NIBAN1: variants seen among roughly 807,000 people sequenced by gnomAD.
The protein encoded by NIBAN1 is niban apoptosis regulator 1, also known as protein Niban 1.
Under a neutral mutation model 75.1 loss-of-function variants are expected in NIBAN1, and 81 were observed. The observed-to-expected ratio is 1.08, with a 90% CI of 0.90 to 1.30. NIBAN1 has a LOEUF of 1.30. Ranked by LOEUF, NIBAN1 falls within the 50% of genes most tolerant of loss-of-function variation. NIBAN1 has a pLI of 0.00. For synonymous variants in NIBAN1, 436 were observed against 424.8 expected, an observed-to-expected ratio of 1.03 and a Z score of -0.32; for missense variants, 1,133 against 1,128.1, an observed-to-expected ratio of 1.00 and a Z score of -0.06.
intron 1 of NIBAN1, among the ~76,000 whole-genome samples, chr1:184,919,846 A>G (rs1657483591): frequency 6.8e-6 from 1 of 147,182 alleles, no homozygotes; most frequent in Admixed American, 6.7e-5. Context: ...CCAGATAACA[A>G]AAAAAAATTG....
chr1:184,906,402 G>A (rs938968688), intron 1 of NIBAN1, among the ~76,000 whole-genome samples: 2 of 152,168 alleles, frequency 1.3e-5, no homozygotes, highest in East Asian at 1.9e-4. Flanking sequence ...AGGCCGAGGC[G>A]GGTGGATCAC....
intron 1 of NIBAN1, among the ~76,000 whole-genome samples, chr1:184,941,451 A>G (rs985403221): frequency 6.6e-6 from 1 of 152,092 alleles, no homozygotes. Context: ...TGAATTTGAG[A>G]CCAGCCTGAG....
chr1:184,974,210 G>A (rs1258336100), intron 1 of NIBAN1, 92 bp downstream of exon 1: 2 of 1,295,384 alleles, frequency 1.5e-6, no homozygotes, highest in Non-Finnish European at 2.0e-6. Flanking sequence ...CAGGGAGAGG[G>A]CCCGGGGCGC....
chr1:184,853,829 G>C (rs1655606071), intron 5 of NIBAN1, among the ~76,000 whole-genome samples: 1 of 152,008 alleles, frequency 6.6e-6, no homozygotes, highest in Non-Finnish European at 1.5e-5. Flanking sequence ...CCTCTCCCAG[G>C]GTAAGAGAAA....
intron 1 of NIBAN1, among the ~76,000 whole-genome samples, chr1:184,917,309 A>G (rs1279215103): frequency 7.0e-6 from 1 of 143,192 alleles, no homozygotes; most frequent in Non-Finnish European, 1.5e-5. Context: ...GGTTCATGCC[A>G]TTCTGCCTCA....
chr1:184,818,195 T>C (rs1654591600), intron 9 of NIBAN1, among the ~76,000 whole-genome samples: 1 of 152,182 alleles, frequency 6.6e-6, no homozygotes, highest in East Asian at 1.9e-4. Context: ...CCAACAATGT[T>C]CTACAAATGA....
At chr1:184,880,992 G>A (rs771973046) in intron 5 of NIBAN1, among the ~76,000 whole-genome samples, 1 of 152,006 alleles carries the variant, frequency 6.6e-6, no homozygotes, top group Non-Finnish European at 1.5e-5. Context: ...AGGTGGAGTG[G>A]GATGTTTTAC....
chr1:184,882,592 C>T (rs1264930601), intron 5 of NIBAN1, among the ~76,000 whole-genome samples: 1 of 152,160 alleles, frequency 6.6e-6, no homozygotes, highest in African/African-American at 2.4e-5. Context: ...TGATAACATA[C>T]TGGAGAGCAG....
At chr1:184,811,884 C>T (rs1040587902) in intron 9 of NIBAN1, among the ~76,000 whole-genome samples, 2 of 152,174 alleles carry the variant, frequency 1.3e-5, no homozygotes, top group African/African-American at 4.8e-5. Flanking sequence ...CTGCTATTCC[C>T]TTTGGAATAA....
chr1:184,794,836 G>C lies in NIBAN1; in HGVS notation c.*141C>G. On this transcript the variant is annotated 3_prime_UTR_variant, in exon 14 of 14. Coordinates refer to ENST00000367511, the MANE Select transcript of NIBAN1 (RefSeq NM_052966.4). Reference sequence around the variant, plus strand: ...GGTTTGCCTCAGTTGCTCATGCCCTGTATGCATTTCCTCTGGTTTTATTAT... The same window carrying C: ...GGTTTGCCTCAGTTGCTCATGCCCTCTATGCATTTCCTCTGGTTTTATTAT... 1 of 1,082,380 alleles carries C rather than the reference G, an allele frequency of 9.2e-7. No individual in the cohort carries two copies. The highest frequency in any genetic ancestry group is 1.4e-6 in the Non-Finnish European group (1 of 730,040). 67.0% of individuals were successfully genotyped at this position (1,082,380 alleles called of 1,614,324 possible). A position where few individuals can be genotyped will look rare whatever the true frequency, so the allele number is the denominator to read the frequency against.
At chr1:184,809,639 GT>G (rs34668592) in intron 9 of NIBAN1, among the ~76,000 whole-genome samples, 3,090 of 145,860 alleles carry the variant, frequency 0.021, 116 homozygotes, top group African/African-American at 0.073. Context: ...ATATGTGTGT[GT>G]GTATATATAT....
chr1:184,805,983 G>A lies in NIBAN1; in HGVS notation c.1409C>T (p.Ala470Val), dbSNP rs1439771443. 3.1e-6 allele frequency: 5 copies of A among 1,614,044 alleles called. No homozygotes were observed. The highest frequency in any genetic ancestry group is 4.2e-6 in the Non-Finnish European group (5 of 1,180,000). ...GAGTTTAACCTTCTCAATGGCAACTGCAGTTTTGGAGGCCTCTCCTTGGAG... is the reference window on the plus strand; with the variant it reads ...GAGTTTAACCTTCTCAATGGCAACTACAGTTTTGGAGGCCTCTCCTTGGAG... ...PHLQGEASKTAVAIEKVKLRV... is the reference protein window; with the variant it reads ...PHLQGEASKTVVAIEKVKLRV... The change falls in exon 11 of 14, where the codon GCA becomes GTA. Residue 470 changes from alanine to valine, a missense_variant. Transcript: ENST00000367511.
intron 6 of NIBAN1, among the ~76,000 whole-genome samples, chr1:184,825,703 C>T (rs1325860474): frequency 2.0e-5 from 3 of 152,190 alleles, no homozygotes; most frequent in Non-Finnish European, 4.4e-5. Flanking sequence ...CTTCTTTACC[C>T]CTGCTCCTGA....
chr1:184,894,663 C>G (rs1480343748), intron 2 of NIBAN1, among the ~76,000 whole-genome samples: 1 of 152,162 alleles, frequency 6.6e-6, no homozygotes. Context: ...TTACACCTGC[C>G]GATGCTGCCT....
chr1:184,937,232 A>G (rs1004751907), intron 1 of NIBAN1, among the ~76,000 whole-genome samples: 3 of 145,960 alleles, frequency 2.1e-5, no homozygotes, highest in Admixed American at 7.2e-5. Flanking sequence ...ATGCAATCAC[A>G]GTGTACTACA....
intron 11 of NIBAN1, among the ~76,000 whole-genome samples, chr1:184,804,421 G>A (rs1176451894): frequency 6.6e-6 from 1 of 152,174 alleles, no homozygotes; most frequent in Non-Finnish European, 1.5e-5. Flanking sequence ...AATGAAGGGG[G>A]TAGAACTGGA....
chr1:184,899,185 C>T lies in NIBAN1; in HGVS notation c.180G>A (p.Lys60=), dbSNP rs1443797384. The change falls in exon 2 of 14, where the codon AAG becomes AAA. Residue 60 remains lysine (K), a synonymous_variant. Coordinates refer to ENST00000367511, the MANE Select transcript of NIBAN1 (RefSeq NM_052966.4). ...QQRDLTSQFL[K]TKPPLAPGTI... ...CCAAATATCCATGGCTTACCTTGGT[C>T]TTCAAAAACTGTGACGTTAAATCTC... 1.2e-6 allele frequency: 2 copies of T among 1,613,744 alleles called. No homozygotes were observed. Among genetic ancestry groups the T allele is most frequent in the Admixed American group, 1.7e-5 (1 of 59,998 alleles).
At position 184,795,421 on chromosome 1, in the gene NIBAN1, A is replaced by G; in HGVS notation, c.2343T>C (p.His781=). The G allele has an allele frequency of 1.2e-6, 2 of 1,606,824 alleles. No individual in the cohort carries two copies. The highest frequency in any genetic ancestry group is 1.7e-6 in the Non-Finnish European group (2 of 1,176,548). The change falls in exon 14 of 14, where the codon CAT becomes CAC. Residue 781 remains histidine, a synonymous_variant. Coordinates refer to ENST00000367511, the MANE Select transcript of NIBAN1 (RefSeq NM_052966.4). ...CTGGAAATCCCCCCAACTCCTCCCC[A>G]TGGGCCTCGGGACAGGGAGGTTGGG... ...REAQPPCPEA[H]GEELGGFPEV...
At chr1:184,825,701 C>A (rs1300906513) in intron 6 of NIBAN1, among the ~76,000 whole-genome samples, 1 of 152,186 alleles carries the variant, frequency 6.6e-6, no homozygotes, top group Non-Finnish European at 1.5e-5. Context: ...TCCTTCTTTA[C>A]CCCTGCTCCT....
Sources: allele counts gnomAD v4.1 joint callset (sites outside exome capture counted in the v4.1 genomes callset), GRCh38; gene constraint gnomAD v4.1.1; transcripts MANE v1.5; gene names NCBI Gene and HGNC (gene_info 2026-07-23, HGNC 2026-07-21).